The following HERC2 variants were observed in gnomAD, a reference collection of about 807,000 sequenced individuals.
HERC2 encodes the protein E3 ubiquitin-protein ligase HERC2.
HERC2 carries 102 observed loss-of-function variants against 537.7 expected under a neutral mutation model. That is an observed-to-expected ratio of 0.19 (90% CI 0.16 to 0.22). HERC2 has a LOEUF of 0.22. HERC2 is among the 10% of genes least tolerant of loss of function. HERC2 has a pLI of 1.00. For missense variants in HERC2, 4,236 were observed against 6,198.2 expected (o/e 0.68, Z 10.63); for synonymous variants, 2,224 against 2,466.2 (o/e 0.90, Z 2.91).
At chr15:28,160,247 C>T (rs1893445941) in intron 69 of HERC2, among the ~76,000 whole-genome samples, 1 of 152,228 alleles carries the variant, frequency 6.6e-6, no homozygotes, top group Non-Finnish European at 1.5e-5. Context: ...AGAACCACTA[C>T]TCTCTTCAAA....
Position 28,255,857 on chromosome 15 carries a change from C to G in HERC2, c.2871+15G>C. 1.3e-6 allele frequency: 2 copies of G among 1,596,794 alleles called. No individual in the cohort carries two copies. Among genetic ancestry groups the G allele is most frequent in the Non-Finnish European group, 1.7e-6 (2 of 1,178,650 alleles). ...TCAGTGCACCACCAGGTCACGTGTG[C>G]CTCCAAAGCCATACCTGGATCTCTG... is the stretch of plus-strand genomic sequence containing the variant. On this transcript the variant is annotated intron_variant, in intron 19 of 92. Transcript: ENST00000261609.
chr15:28,141,816 C>T lies in HERC2; in HGVS notation c.11731G>A (p.Asp3911Asn). ...TGCAGAACATCCATGTTTTCGCTGT[C>T]TGCCATTAATTCACGAATTTTCTTA... ...VAKKIRELMA[D>N]SENMDVLHES... The change falls in exon 77 of 93, where the codon GAC (aspartate) becomes AAC (asparagine). Residue 3911 changes from aspartate to asparagine, a missense_variant. Asp to Asn is a conservative substitution (Grantham distance 23). Around this residue, in one of 27 missense-constraint regions of HERC2, gnomAD observed 156 missense variants for 172.3 expected, o/e 0.91. Transcript: ENST00000261609. 1 of 1,614,116 alleles carries T rather than the reference C, an allele frequency of 6.2e-7. No homozygotes were observed. Among genetic ancestry groups the T allele is most frequent in the Non-Finnish European group, 8.5e-7 (1 of 1,180,032 alleles).
chr15:28,165,670 G>A (rs1307634696), intron 68 of HERC2, among the ~76,000 whole-genome samples: 1 of 152,006 alleles, frequency 6.6e-6, no homozygotes, highest in Non-Finnish European at 1.5e-5. Flanking sequence ...AGCCAGGTAT[G>A]GTGGTGCATG....
At chr15:28,174,937 T>C (rs1298748931) in intron 64 of HERC2, among the ~76,000 whole-genome samples, 1 of 152,114 alleles carries the variant, frequency 6.6e-6, no homozygotes. Context: ...TTCCCTTTTA[T>C]TTTGCAAAGA....
chr15:28,117,651 G>T (rs1024413625), intron 86 of HERC2: 11 of 419,278 alleles, frequency 2.6e-5, no homozygotes, highest in Admixed American at 1.7e-4. Context: ...CAGACACAGT[G>T]AGTGAGTGCC....
chr15:28,290,312 T>C (rs2076278084), intron 4 of HERC2, among the ~76,000 whole-genome samples: 1 of 152,136 alleles, frequency 6.6e-6, no homozygotes, highest in African/African-American at 2.4e-5. Context: ...CTTTTTTTTT[T>C]TGAGATGTAG....
At position 28,213,750 on chromosome 15, in the gene HERC2, G is replaced by A. The variant is rs200651761; in HGVS notation, c.6778C>T (p.Leu2260=). The change falls in exon 42 of 93, where the codon CTG becomes TTG. Residue 2260 remains leucine (L), a synonymous_variant. Coordinates refer to ENST00000261609, the MANE Select transcript of HERC2 (RefSeq NM_004667.6). Reference sequence around the variant, plus strand: ...AGCACAAGTTCACCTACTGGTTTCAGCTGATTCAATGGGCAAACGCGACAC... The same window carrying A: ...AGCACAAGTTCACCTACTGGTTTCAACTGATTCAATGGGCAAACGCGACAC... ...RTCRVCPLNQ[L]KPLPAVAFNV... is the part of the protein sequence containing the mutation. The A allele has an allele frequency of 1.2e-6, 2 of 1,613,150 alleles. No homozygotes were observed. The highest frequency in any genetic ancestry group is 2.7e-5 in the African/African-American group (2 of 75,048).
intron 83 of HERC2, among the ~76,000 whole-genome samples, chr15:28,126,192 G>C (rs548760005): frequency 1.3e-5 from 2 of 152,202 alleles, no homozygotes; most frequent in Non-Finnish European, 2.9e-5. Context: ...TATACTGCTG[G>C]TGGGAACAGA....
chr15:28,183,035 C>T (rs1427865724), intron 56 of HERC2, among the ~76,000 whole-genome samples: 1 of 152,120 alleles, frequency 6.6e-6, no homozygotes, highest in Admixed American at 6.5e-5. Flanking sequence ...ACACATGTCC[C>T]AATGTAAAAT....
intron 52 of HERC2, among the ~76,000 whole-genome samples, chr15:28,193,849 A>G (rs1419607048): frequency 6.6e-6 from 1 of 152,212 alleles, no homozygotes; most frequent in East Asian, 1.9e-4. Context: ...AGAAATAAAG[A>G]CATTTTCAGA....
chr15:28,154,065 A>C (rs1304702154), intron 69 of HERC2, among the ~76,000 whole-genome samples: 4 of 152,336 alleles, frequency 2.6e-5, no homozygotes, highest in Middle Eastern at 3.4e-3. Context: ...TTGATGATTC[A>C]CATCTTTTAC....
chr15:28,154,229 T>A (rs1443587322), intron 69 of HERC2, among the ~76,000 whole-genome samples: 3 of 152,186 alleles, frequency 2.0e-5, no homozygotes, highest in African/African-American at 4.8e-5. Context: ...TAGAAATAGA[T>A]TATTCTTTTT....
intron 84 of HERC2, among the ~76,000 whole-genome samples, chr15:28,124,607 AAG>A (rs1320642806): frequency 2.0e-5 from 3 of 152,188 alleles, no homozygotes; most frequent in African/African-American, 7.2e-5. Flanking sequence ...TCACCCAAGT[AAG>A]AGGGCAGTGG....
intron 2 of HERC2, among the ~76,000 whole-genome samples, chr15:28,314,404 C>T (rs1057465788): frequency 2.0e-4 from 30 of 152,288 alleles, no homozygotes; most frequent in African/African-American, 2.9e-4. Flanking sequence ...ATCAATGAAG[C>T]AACGGTATGC....
At chr15:28,127,077 G>A (rs1889574901) in intron 83 of HERC2, among the ~76,000 whole-genome samples, 1 of 152,202 alleles carries the variant, frequency 6.6e-6, no homozygotes, top group Non-Finnish European at 1.5e-5. Context: ...CATCAGGATT[G>A]TCAAATCCAG....
chr15:28,286,508 T>C (rs1165413025), intron 4 of HERC2, among the ~76,000 whole-genome samples: 1 of 151,942 alleles, frequency 6.6e-6, no homozygotes, highest in African/African-American at 2.4e-5. Context: ...AGAACAAAAA[T>C]CACATAATTA....
chr15:28,235,746 TGGCTCATCAACAA>T (rs1289221490), intron 26 of HERC2, among the ~76,000 whole-genome samples: 5 of 152,216 alleles, frequency 3.3e-5, no homozygotes, highest in Non-Finnish European at 5.9e-5. Flanking sequence ...CTTAGAATGC[TGGCTCATCAACAA>T]GAAGCAGCTG....
chr15:28,131,577 C>A (rs1890111020), intron 81 of HERC2, among the ~76,000 whole-genome samples: 1 of 152,202 alleles, frequency 6.6e-6, no homozygotes, highest in Non-Finnish European at 1.5e-5. Flanking sequence ...CGCCTGCAGC[C>A]ACCGGGCTTG....
intron 64 of HERC2, among the ~76,000 whole-genome samples, 173 bp from the exon 65 acceptor site, chr15:28,174,793 C>T (rs1895088942): frequency 6.6e-6 from 1 of 152,166 alleles, no homozygotes; most frequent in Non-Finnish European, 1.5e-5. Context: ...CAGCGTACTA[C>T]AATTCTGAAG....
Sources: allele counts gnomAD v4.1 joint callset (sites outside exome capture counted in the v4.1 genomes callset), GRCh38; gene constraint gnomAD v4.1.1; regional missense constraint gnomAD v4.1.1; transcripts MANE v1.5; gene names NCBI Gene and HGNC (gene_info 2026-07-23, HGNC 2026-07-21).